The following SPCS2 variants were observed in gnomAD, a reference collection of about 807,000 sequenced individuals.
The protein encoded by SPCS2 is SPase 25 kDa subunit.
A neutral mutation model predicts 22.3 loss-of-function variants in SPCS2; 3 were observed. The ratio of observed to expected loss-of-function variants is 0.13; its 90% confidence interval spans 0.06 to 0.35. The LOEUF (loss-of-function observed/expected upper bound fraction) is 0.35, where lower values mean the gene tolerates loss of function less well. SPCS2 is among the 10% of genes least tolerant of loss of function. SPCS2 has a pLI of 1.00. For synonymous variants in SPCS2, 67 were observed against 97.2 expected (o/e 0.69, Z 1.83); for missense variants, 169 against 280.9 (o/e 0.60, Z 2.85).
At chr11:74,959,130 T>C (rs1948495927) in intron 1 of SPCS2, among the ~76,000 whole-genome samples, 3 of 152,194 alleles carry the variant, frequency 2.0e-5, no homozygotes, top group African/African-American at 7.2e-5. Flanking sequence ...CTTAAAGCCA[T>C]GCTCAGTTCT....
chr11:74,949,577 C>G (rs956271991), intron 1 of SPCS2, 178 bp downstream of exon 1: 1 of 677,146 alleles, frequency 1.5e-6, no homozygotes, highest in Non-Finnish European at 2.7e-6. Flanking sequence ...ACACTTCAAA[C>G]CTGGACCCGG....
chr11:74,958,203 G>C (rs1171763787), intron 1 of SPCS2, among the ~76,000 whole-genome samples: 1 of 152,214 alleles, frequency 6.6e-6, no homozygotes, highest in African/African-American at 2.4e-5. Context: ...CTCTGGGGTT[G>C]TCACTAATGT....
chr11:74,955,031 G>A (rs1045814867), intron 1 of SPCS2, among the ~76,000 whole-genome samples: 3 of 152,034 alleles, frequency 2.0e-5, no homozygotes, highest in Middle Eastern at 3.2e-3. Flanking sequence ...ACCACTTCAC[G>A]TCCACTAAGA....
chr11:74,973,709 A>G (rs1423232921), intron 4 of SPCS2, among the ~76,000 whole-genome samples: 1 of 151,860 alleles, frequency 6.6e-6, no homozygotes, highest in African/African-American at 2.4e-5. Flanking sequence ...AGGATCTTTC[A>G]TATCTTCCCT....
At chr11:74,959,008 C>G (rs1180022180) in intron 1 of SPCS2, among the ~76,000 whole-genome samples, 1 of 152,194 alleles carries the variant, frequency 6.6e-6, no homozygotes, top group Non-Finnish European at 1.5e-5. Context: ...GTTCTTTAGC[C>G]TAATAACTAG....
intron 1 of SPCS2, chr11:74,949,697 G>T (rs748128773): frequency 2.1e-6 from 1 of 472,940 alleles, no homozygotes; most frequent in Non-Finnish European, 4.2e-6. Flanking sequence ...CTTTTCTCCT[G>T]GGGGGCTGGG....
At chr11:74,951,733 C>T (rs995540368) in intron 1 of SPCS2, among the ~76,000 whole-genome samples, 3 of 144,842 alleles carry the variant, frequency 2.1e-5, no homozygotes, top group Non-Finnish European at 3.0e-5. Context: ...TCGCTTGAAC[C>T]CGGGAGGTGG....
chr11:74,977,952 A>G lies in SPCS2; in HGVS notation c.*909A>G, dbSNP rs1234954791. On this transcript the variant is annotated 3_prime_UTR_variant, in exon 5 of 5. Transcript: ENST00000263672. The stretch of plus-strand genomic sequence containing the variant: ...TGCTCCAAGTACTTTACATGTGTTA[A>G]TAATGCTCACAGCAATCCTAAGAGG... 1.3e-5 allele frequency: 2 copies of G among 152,248 alleles called. No homozygotes were observed. Among genetic ancestry groups the G allele is most frequent in the East Asian group, 3.8e-4 (2 of 5,208 alleles). 9.4% of individuals were successfully genotyped at this position (152,248 alleles called of 1,614,324 possible). A position where few individuals can be genotyped will look rare whatever the true frequency, so the allele number is the denominator to read the frequency against.
chr11:74,959,033 C>T (rs917562550), intron 1 of SPCS2, among the ~76,000 whole-genome samples: 3 of 152,194 alleles, frequency 2.0e-5, no homozygotes, highest in African/African-American at 7.2e-5. Flanking sequence ...TGGTTTCTCT[C>T]GGATGCCTCA....
At chr11:74,961,486 T>C (rs531099950) in intron 1 of SPCS2, among the ~76,000 whole-genome samples, 1 of 152,334 alleles carries the variant, frequency 6.6e-6, no homozygotes, top group African/African-American at 2.4e-5. Flanking sequence ...TACATACATT[T>C]GTATTTAGTC....
rs972037382 is a variant in SPCS2, at chr11:74,957,775, A to AT, written c.115-7251dup. 4.3e-4 allele frequency among the ~76,000 whole-genome samples: 65 copies of AT among 152,152 alleles called. 1 individual carries two copies. The highest frequency in any genetic ancestry group is 1.5e-3 in the South Asian group (7 of 4,818). The stretch of plus-strand genomic sequence containing the variant: ...TTTCCTTAACTAAATTGTAAAGACC[A>AT]TTTTTTTTGTATATCTGATTTCTTG... On this transcript the variant is annotated intron_variant, in intron 1 of 4. Coordinates refer to ENST00000263672, the MANE Select transcript of SPCS2 (RefSeq NM_014752.3).
At chr11:74,972,028 C>T (rs1007437633) in intron 4 of SPCS2, among the ~76,000 whole-genome samples, 5 of 152,124 alleles carry the variant, frequency 3.3e-5, no homozygotes, top group East Asian at 1.9e-4. Flanking sequence ...ATACCTTAGT[C>T]TTCCTTAACA....
At position 74,971,707 on chromosome 11, in the gene SPCS2, C is replaced by T. The variant is rs371888754; in HGVS notation, c.494+2008C>T. The stretch of plus-strand genomic sequence containing the variant: ...AGGTTTCACAGACTACTAGTTGCCA[C>T]GTGCAGACAACACAAGCTATGTGAC... On this transcript the variant is annotated intron_variant, in intron 4 of 4. Transcript: ENST00000263672. Among the ~76,000 whole-genome samples the T allele has an allele frequency of 9.9e-5, 15 of 152,280 alleles. No individual in the cohort carries two copies. The East Asian group carries it at 2.7e-3, about 27-fold the overall frequency.
At chr11:74,952,979 T>C (rs1948455316) in intron 1 of SPCS2, among the ~76,000 whole-genome samples, 1 of 152,198 alleles carries the variant, frequency 6.6e-6, no homozygotes, top group Admixed American at 6.5e-5. Context: ...AGTGCTTCTC[T>C]GTAGTGATCA....
At chr11:74,975,068 A>G (rs1029404461) in intron 4 of SPCS2, among the ~76,000 whole-genome samples, 2 of 152,034 alleles carry the variant, frequency 1.3e-5, no homozygotes, top group Non-Finnish European at 2.9e-5. Context: ...AATCCTAAGG[A>G]TGGCTTAGAA....
intron 1 of SPCS2, chr11:74,949,626 G>C: frequency 1.7e-6 from 1 of 593,802 alleles, no homozygotes; most frequent in Non-Finnish European, 3.2e-6. Flanking sequence ...AAGTGTTCTG[G>C]TCCTGGTCGC....
intron 4 of SPCS2, among the ~76,000 whole-genome samples, chr11:74,975,707 T>G (rs1209420212): frequency 3.3e-5 from 5 of 152,224 alleles, no homozygotes; most frequent in Admixed American, 6.5e-5. Context: ...AGTTACTGCC[T>G]AGACCAACAA....
chr11:74,950,689 A>G (rs987334108), intron 1 of SPCS2, among the ~76,000 whole-genome samples: 1 of 152,150 alleles, frequency 6.6e-6, no homozygotes, highest in African/African-American at 2.4e-5. Flanking sequence ...AATGTGCACC[A>G]CTATGCCTGA....
At chr11:74,975,408 G>C (rs1948609248) in intron 4 of SPCS2, among the ~76,000 whole-genome samples, 1 of 151,998 alleles carries the variant, frequency 6.6e-6, no homozygotes, top group Non-Finnish European at 1.5e-5. Context: ...GTCCCAAAAG[G>C]CAGACATTTA....
Sources: allele counts gnomAD v4.1 joint callset (sites outside exome capture counted in the v4.1 genomes callset), GRCh38; gene constraint gnomAD v4.1.1; transcripts MANE v1.5; gene names NCBI Gene and HGNC (gene_info 2026-07-23, HGNC 2026-07-21).